Variants in NKAIN3 observed in about 807,000 individuals in gnomAD.
NKAIN3 encodes the protein sodium/potassium transporting ATPase interacting 3, also known as sodium/potassium-transporting ATPase subunit beta-1-interacting protein 3.
A neutral mutation model predicts 30.2 loss-of-function variants in NKAIN3; 25 were observed. The ratio of observed to expected loss-of-function variants is 0.83; its 90% CI spans 0.60 to 1.16. NKAIN3 has a LOEUF of 1.16. Among genes scored for constraint, NKAIN3 ranks in the 50% most tolerant of loss-of-function variants. The probability of loss-of-function intolerance (pLI) is 0.00; values close to 1 mark genes in which losing one functional copy is unlikely to be tolerated. For synonymous variants in NKAIN3, 91 were observed against 89.6 expected (o/e 1.02, Z -0.09); for missense variants, 225 against 254.1 (o/e 0.89, Z 0.78).
intron 3 of NKAIN3, among the ~76,000 whole-genome samples, chr8:62,710,952 C>T (rs1814695625): frequency 1.3e-5 from 2 of 152,082 alleles, no homozygotes; most frequent in African/African-American, 4.8e-5. Context: ...ATTCTTTCAG[C>T]ATTTGTTTGT....
At chr8:62,796,741 G>A (rs969020559) in intron 4 of NKAIN3, among the ~76,000 whole-genome samples, 2 of 150,794 alleles carry the variant, frequency 1.3e-5, no homozygotes, top group South Asian at 4.2e-4. Flanking sequence ...GGTAGAAAGG[G>A]GAAGTGTGAT....
At chr8:62,560,945 A>G (rs1005521647) in intron 1 of NKAIN3, among the ~76,000 whole-genome samples, 9 of 151,902 alleles carry the variant, frequency 5.9e-5, no homozygotes, top group East Asian at 1.9e-4. Flanking sequence ...TATATCTCCC[A>G]TTTCTTAGCT....
chr8:62,257,218 A>G (rs1318773849), intron 1 of NKAIN3, among the ~76,000 whole-genome samples: 7 of 152,326 alleles, frequency 4.6e-5, no homozygotes, highest in African/African-American at 1.4e-4. Flanking sequence ...AACCCTGATC[A>G]GCATTGGTTT....
chr8:62,998,518 A>G (rs1284290583), intron 5 of NKAIN3, among the ~76,000 whole-genome samples: 3 of 152,052 alleles, frequency 2.0e-5, no homozygotes, highest in Non-Finnish European at 2.9e-5. Flanking sequence ...CAAGTGATCC[A>G]CCTGCCTCGG....
intron 4 of NKAIN3, among the ~76,000 whole-genome samples, chr8:62,769,035 G>A (rs563796450): frequency 3.4e-4 from 51 of 152,090 alleles, no homozygotes; most frequent in African/African-American, 1.1e-3. Flanking sequence ...TTTATTTCAG[G>A]CAATTGGCAC....
chr8:62,903,494 T>C (rs7830289), intron 4 of NKAIN3, among the ~76,000 whole-genome samples: 117,896 of 151,964 alleles, frequency 0.78, 46,631 homozygotes, highest in East Asian at 0.98. Flanking sequence ...GCGCACAAGA[T>C]AGCACAGATA....
chr8:62,649,638 T>G (rs57735770), intron 3 of NKAIN3, among the ~76,000 whole-genome samples: 1 of 151,974 alleles, frequency 6.6e-6, no homozygotes, highest in African/African-American at 2.4e-5. Context: ...TGGCAGAAGT[T>G]GGGGGCATTC....
intron 1 of NKAIN3, among the ~76,000 whole-genome samples, chr8:62,544,839 G>C (rs1823666): frequency 0.56 from 85,543 of 151,932 alleles, 24,161 homozygotes; most frequent in Non-Finnish European, 0.59. Context: ...TTGATGGAAG[G>C]CTTAACAATG....
chr8:62,874,373 T>C (rs1208787064), intron 4 of NKAIN3, among the ~76,000 whole-genome samples: 10 of 152,224 alleles, frequency 6.6e-5, no homozygotes, highest in South Asian at 2.1e-4. Context: ...CAGGACCAGA[T>C]GGATTCATAG....
At chr8:62,395,771 A>G (rs575607267) in intron 1 of NKAIN3, among the ~76,000 whole-genome samples, 2 of 152,350 alleles carry the variant, frequency 1.3e-5, no homozygotes, top group Admixed American at 1.3e-4. Flanking sequence ...TGATAAGTAG[A>G]TATAGATCTC....
At chr8:62,474,247 C>T (rs905619132) in intron 1 of NKAIN3, 1 of 152,196 alleles carries the variant, frequency 6.6e-6, no homozygotes, top group Non-Finnish European at 1.5e-5. Context: ...TGTTGAAGCA[C>T]AGTGGGCACA....
chr8:62,421,132 C>T (rs1408620892), intron 1 of NKAIN3, among the ~76,000 whole-genome samples: 1 of 152,126 alleles, frequency 6.6e-6, no homozygotes, highest in African/African-American at 2.4e-5. Flanking sequence ...TCAGTCCTTA[C>T]CATGAGGTGG....
chr8:62,813,411 T>C (rs1818556565), intron 4 of NKAIN3, among the ~76,000 whole-genome samples: 1 of 151,948 alleles, frequency 6.6e-6, no homozygotes. Flanking sequence ...TGCTATTACA[T>C]TGTATCTGTA....
intron 1 of NKAIN3, among the ~76,000 whole-genome samples, chr8:62,496,576 T>G (rs942525053): frequency 1.3e-5 from 2 of 152,166 alleles, no homozygotes; most frequent in East Asian, 3.9e-4. Context: ...GTCATCCTAG[T>G]GTCATTTGTT....
At chr8:62,418,083 T>C (rs894469240) in intron 1 of NKAIN3, among the ~76,000 whole-genome samples, 5 of 152,258 alleles carry the variant, frequency 3.3e-5, no homozygotes, top group East Asian at 3.9e-4. Context: ...ACAGCCCTGA[T>C]TGAGGTGCAT....
intron 3 of NKAIN3, among the ~76,000 whole-genome samples, chr8:62,745,631 C>G (rs971193944): frequency 3.3e-5 from 5 of 152,162 alleles, no homozygotes; most frequent in Non-Finnish European, 7.4e-5. Context: ...CATTAACACC[C>G]CAGAAATACT....
At chr8:62,249,199 G>A (rs889507193) in intron 1 of NKAIN3, 72 bp downstream of exon 1, 4 of 1,308,450 alleles carry the variant, frequency 3.1e-6, no homozygotes, top group Admixed American at 2.3e-5. Flanking sequence ...CTCCCTCTGC[G>A]GTTCCGCAGC....
chr8:62,525,563 A>C (rs528005892), intron 1 of NKAIN3, among the ~76,000 whole-genome samples: 1 of 152,276 alleles, frequency 6.6e-6, no homozygotes, highest in African/African-American at 2.4e-5. Context: ...ATGTCCCTGC[A>C]AAAGAATATA....
chr8:62,451,090 G>A (rs919799272), intron 1 of NKAIN3, among the ~76,000 whole-genome samples: 4 of 151,930 alleles, frequency 2.6e-5, no homozygotes, highest in African/African-American at 9.7e-5. Flanking sequence ...TATCAGTTTG[G>A]ATCACATTTC....
Sources: gnomAD v4.1 joint callset for allele counts (sites outside exome capture counted in the v4.1 genomes callset) on GRCh38, gnomAD v4.1.1 for gene constraint, MANE v1.5 for transcripts, NCBI Gene and HGNC (gene_info 2026-07-23, HGNC 2026-07-21) for gene names.